The following ARMC12 variants were observed in gnomAD, a reference collection of about 807,000 sequenced individuals.
ARMC12 encodes the protein armadillo repeat-containing protein 12.
A neutral mutation model predicts 37.4 loss-of-function variants in ARMC12; 25 were observed. The observed-to-expected ratio is 0.67, with a 90% CI of 0.49 to 0.93. ARMC12 has a LOEUF of 0.93. Among genes scored for constraint, ARMC12 ranks in the 40% least tolerant of loss-of-function variants. The pLI, the probability that ARMC12 is intolerant of heterozygous loss-of-function variation, is 0.00. For synonymous variants in ARMC12, 167 were observed against 176.1 expected (o/e 0.95, Z 0.41); for missense variants, 384 against 426.6 (o/e 0.90, Z 0.88).
At chr6:35,734,244 C>T (rs1365083510), upstream of ARMC12, among the ~76,000 whole-genome samples, 1 of 152,178 alleles carries the variant, frequency 6.6e-6, no homozygotes, top group African/African-American at 2.4e-5. Flanking sequence ...ACTGCAACCT[C>T]TGCCTCCCAG....
At chr6:35,732,668 T>C (rs192580815), upstream of ARMC12, among the ~76,000 whole-genome samples, 19 of 152,336 alleles carry the variant, frequency 1.2e-4, no homozygotes, top group East Asian at 3.5e-3. Flanking sequence ...TAACTAGGCT[T>C]AAACAACCAT....
Position 35,749,062 on chromosome 6 carries a change from C to T in ARMC12, c.*192C>T, listed in dbSNP as rs1339456298. 5 of 526,754 alleles carry T rather than the reference C, an allele frequency of 9.5e-6. No individual in the cohort carries two copies. Among genetic ancestry groups the T allele is most frequent in the Non-Finnish European group, 1.3e-5 (4 of 310,998 alleles). 32.6% of individuals were successfully genotyped at this position (526,754 alleles called of 1,614,324 possible). A position where few individuals can be genotyped will look rare whatever the true frequency, so the allele number is the denominator to read the frequency against. ...CTATGTTTGGGGGACTAGCTCCCCT[C>T]TTCTCTTGCTGCTTTTCTTTCTTTT... On this transcript the variant is annotated 3_prime_UTR_variant, in exon 6 of 6. Coordinates refer to ENST00000373866, the MANE Select transcript of ARMC12 (RefSeq NM_001286574.2).
Position 35,748,518 on chromosome 6 carries a change from T to G in ARMC12, c.691-20T>G. On this transcript the variant is annotated intron_variant, in intron 5 of 5. Transcript: ENST00000373866. ...CTTGCCTAGGAGTTTATTCCCATTC[T>G]TTCTCTATTCCCATCACAGGTTCAC... 6.9e-7 allele frequency: 1 copy of G among 1,450,924 alleles called. No homozygotes were observed. 89.9% of individuals were successfully genotyped at this position (1,450,924 alleles called of 1,614,324 possible).
intron 2 of ARMC12, 100 bp from the exon 3 acceptor site, chr6:35,738,284 G>T (rs1470288867): frequency 7.2e-6 from 8 of 1,105,454 alleles, no homozygotes; most frequent in Non-Finnish European, 8.5e-6. Flanking sequence ...GGCTGATAGC[G>T]GTGGGGGGGG....
chr6:35,738,755 CA>C (rs985263168), intron 3 of ARMC12, among the ~76,000 whole-genome samples: 1 of 152,068 alleles, frequency 6.6e-6, no homozygotes, highest in African/African-American at 2.4e-5. Flanking sequence ...GAAGGACCCC[CA>C]CTACCCCACA....
chr6:35,736,820 G>A, upstream of ARMC12: 1 of 437,432 alleles, frequency 2.3e-6, no homozygotes, highest in Non-Finnish European at 4.2e-6. Context: ...ATATTGGCCA[G>A]GCTGGTCTCG....
chr6:35,738,030 T>G lies in ARMC12; in HGVS notation c.167T>G (p.Leu56Arg). The G allele has an allele frequency of 6.2e-7, 1 of 1,613,164 alleles. No individual in the cohort carries two copies. Among genetic ancestry groups the G allele is most frequent in the East Asian group, 2.2e-5 (1 of 44,882 alleles). The change falls in exon 2 of 6, where the codon CTG becomes CGG. Residue 56 changes from leucine (L) to arginine (R), a missense_variant. Physicochemically the swap from Leu to Arg is moderately radical, Grantham distance 102 (BLOSUM62 -2). Transcript: ENST00000373866. ...CSNSPICIAR[L>R]AVERERHGRD... ...CTGGGCTGGGGTGGCTGTCTAGGCCTGGCAGTCGAGCGAGAGCGGCACGGG... is the reference window on the plus strand; with the variant it reads ...CTGGGCTGGGGTGGCTGTCTAGGCCGGGCAGTCGAGCGAGAGCGGCACGGG...
In ARMC12 at chr6:35,747,320, T is replaced by C. The variant is rs143809469; in HGVS notation, c.504T>C (p.Ile168=). The part of the protein sequence containing the change: ...ISTIWDTELH[I]AGLRLLNNLP... Reference sequence around the variant, plus strand: ...CCATCTGGGACACGGAACTGCACATTGCGGGCCTCAGACTCCTCAACAACC... The same window carrying C: ...CCATCTGGGACACGGAACTGCACATCGCGGGCCTCAGACTCCTCAACAACC... The change falls in exon 4 of 6, where the codon ATT becomes ATC. Residue 168 remains isoleucine (I), a synonymous_variant. Coordinates refer to ENST00000373866, the MANE Select transcript of ARMC12 (RefSeq NM_001286574.2). 2.2e-5 allele frequency: 35 copies of C among 1,613,886 alleles called. No homozygotes were observed. In the African/African-American group the frequency reaches 2.7e-4, roughly 12 times the overall value.
At chr6:35,738,294 G>GTGT in intron 2 of ARMC12, 90 bp from the exon 3 acceptor site, 1 of 1,429,926 alleles carries the variant, frequency 7.0e-7, no homozygotes, top group Non-Finnish European at 9.4e-7. Flanking sequence ...GGTGGGGGGG[G>GTGT]GGTGTGCGGA....
Position 35,748,937 on chromosome 6 carries a change from T to C in ARMC12, c.*67T>C. The C allele has an allele frequency of 1.4e-6, 2 of 1,477,718 alleles. No homozygotes were observed. Among genetic ancestry groups the C allele is most frequent in the Non-Finnish European group, 1.8e-6 (2 of 1,098,448 alleles). 91.5% of individuals were successfully genotyped at this position (1,477,718 alleles called of 1,614,324 possible). On this transcript the variant is annotated 3_prime_UTR_variant, in exon 6 of 6. Coordinates refer to ENST00000373866, the MANE Select transcript of ARMC12 (RefSeq NM_001286574.2). ...AAGTTTCTTGAAGCTCGAATGTCTG[T>C]TGGTGGCCTTCCAGGGCTGGGTGGA...
rs1561926879 is a variant in ARMC12 at position 35,748,957 on chromosome 6, G to A, written c.*87G>A. 1 of 1,345,658 alleles carries A rather than the reference G, an allele frequency of 7.4e-7. No homozygotes were observed. Among genetic ancestry groups the A allele is most frequent in the Non-Finnish European group, 1.0e-6 (1 of 995,928 alleles). The allele number at this position is 1,345,658 out of a possible 1,614,324, so 83.4% of individuals were successfully genotyped here. A position where few individuals can be genotyped will look rare whatever the true frequency, so the allele number is the denominator to read the frequency against. ...GTCTGTTGGTGGCCTTCCAGGGCTG[G>A]GTGGAGATTTCATTCAGCATAACCT... On this transcript the variant is annotated 3_prime_UTR_variant, in exon 6 of 6. Coordinates refer to ENST00000373866, the MANE Select transcript of ARMC12 (RefSeq NM_001286574.2).
At position 35,747,659 on chromosome 6, in the gene ARMC12, A is replaced by G. The variant is rs753420311; in HGVS notation, c.690+12A>G. On this transcript the variant is annotated intron_variant, in intron 5 of 5. Transcript: ENST00000373866. Reference sequence around the variant, plus strand: ...TTCTCAACTGCCAGGTGAGAAAGAAATTGAAGAGGGGCTGATGAATGCCAA... The same window carrying G: ...TTCTCAACTGCCAGGTGAGAAAGAAGTTGAAGAGGGGCTGATGAATGCCAA... 12 of 1,613,152 alleles carry G rather than the reference A, an allele frequency of 7.4e-6. No homozygotes were observed. The highest frequency in any genetic ancestry group is 1.0e-5 in the Non-Finnish European group (12 of 1,179,408).
At chr6:35,742,444 C>T (rs975427342) in intron 3 of ARMC12, among the ~76,000 whole-genome samples, 2 of 136,800 alleles carry the variant, frequency 1.5e-5, no homozygotes, top group Non-Finnish European at 3.0e-5. Context: ...TTGCAGTGAG[C>T]CAAGATCACG....
At chr6:35,740,380 G>C (rs1352855225) in intron 3 of ARMC12, among the ~76,000 whole-genome samples, 1 of 151,908 alleles carries the variant, frequency 6.6e-6, no homozygotes, top group African/African-American at 2.4e-5. Context: ...TTCCTTAAGG[G>C]CCTCTCTGAT....
At chr6:35,738,856 T>C (rs893889734) in intron 3 of ARMC12, among the ~76,000 whole-genome samples, 5 of 152,108 alleles carry the variant, frequency 3.3e-5, no homozygotes, top group Non-Finnish European at 5.9e-5. Context: ...ACACTATCCA[T>C]AGTTAGGGCA....
chr6:35,741,559 C>T (rs1029442219), intron 3 of ARMC12, among the ~76,000 whole-genome samples: 7 of 151,974 alleles, frequency 4.6e-5, no homozygotes, highest in Non-Finnish European at 7.4e-5. Flanking sequence ...GAATCACAGG[C>T]GTGCGCGCAC....
chr6:35,731,854 AG>A, the ARMC12 span, among the ~76,000 whole-genome samples: 1 of 151,994 alleles, frequency 6.6e-6, no homozygotes, highest in African/African-American at 2.4e-5. Flanking sequence ...TCCGCGTCCT[AG>A]GGGGCGGGCG....
At chr6:35,739,763 T>TGC (rs1767109465) in intron 3 of ARMC12, among the ~76,000 whole-genome samples, 2 of 152,202 alleles carry the variant, frequency 1.3e-5, no homozygotes, top group Admixed American at 1.3e-4. Context: ...TGCCACAAGC[T>TGC]CACTTCAGGA....
Position 35,737,285 on chromosome 6 carries a change from C to T in ARMC12, c.163+14C>T, listed in dbSNP as rs781596502. Reference sequence around the variant, plus strand: ...TCTGCATCGCCCGTGAGTGTCCGGGCCCTGGGGAGAGGGCTCTGCCCCAGG... The same window carrying T: ...TCTGCATCGCCCGTGAGTGTCCGGGTCCTGGGGAGAGGGCTCTGCCCCAGG... On this transcript the variant is annotated intron_variant, in intron 1 of 5. Transcript: ENST00000373866. 9 of 1,614,250 alleles carry T rather than the reference C, an allele frequency of 5.6e-6. No homozygotes were observed. The highest frequency in any genetic ancestry group is 7.6e-6 in the Non-Finnish European group (9 of 1,180,046).
Sources: allele counts gnomAD v4.1 joint callset (sites outside exome capture counted in the v4.1 genomes callset), GRCh38; gene constraint gnomAD v4.1.1; transcripts MANE v1.5; gene names NCBI Gene and HGNC (gene_info 2026-07-23, HGNC 2026-07-21).